Variants in RAPH1 observed in about 807,000 individuals in gnomAD.
RAPH1 encodes Ras association (RalGDS/AF-6) and pleckstrin homology domains 1.
A neutral mutation model predicts 88.1 loss-of-function variants in RAPH1; 18 were observed. That is an observed-to-expected ratio of 0.20 (90% confidence interval 0.14 to 0.30). RAPH1 has a LOEUF of 0.30. Ranked by LOEUF, RAPH1 falls within the 10% of genes least tolerant of loss-of-function variation. The pLI is 1.00. For synonymous variants in RAPH1, 587 were observed against 559.0 expected (o/e 1.05, Z -0.71); for missense variants, 1,448 against 1,543.2 (o/e 0.94, Z 1.03).
chr2:203,534,505 T>TCCCCCCCCCCCCCCCCCC (rs1486665508), intron 1 of RAPH1, among the ~76,000 whole-genome samples: 2 of 7,412 alleles, frequency 2.7e-4, no homozygotes, highest in Non-Finnish European at 3.7e-4. Context: ...CCTCCCTCCG[T>TCCCCCCCCCCCCCCCCCC]CCACCCCCCC....
At chr2:203,511,078 T>A (rs1273027579) in intron 1 of RAPH1, among the ~76,000 whole-genome samples, 1 of 152,160 alleles carries the variant, frequency 6.6e-6, no homozygotes, top group Non-Finnish European at 1.5e-5. Context: ...TGGTGGTTAC[T>A]GGTGCACTTG....
At chr2:203,495,889 C>G (rs1323969819) in intron 1 of RAPH1, among the ~76,000 whole-genome samples, 1 of 152,192 alleles carries the variant, frequency 6.6e-6, no homozygotes. Context: ...CCCTCCTACC[C>G]TCACTTTCTA....
At chr2:203,534,505 T>TCCCCCCCC (rs1486665508) in intron 1 of RAPH1, among the ~76,000 whole-genome samples, 28 of 7,408 alleles carry the variant, frequency 3.8e-3, no homozygotes, top group Non-Finnish European at 6.3e-3. Context: ...CCTCCCTCCG[T>TCCCCCCCC]CCACCCCCCC....
At chr2:203,533,480 T>G (rs952894440) in intron 1 of RAPH1, 1 of 152,056 alleles carries the variant, frequency 6.6e-6, no homozygotes, top group Admixed American at 6.6e-5. Flanking sequence ...CGTCTCTATT[T>G]TGCCCCTCCC....
chr2:203,483,328 G>A (rs945049386), intron 4 of RAPH1, among the ~76,000 whole-genome samples: 2 of 152,204 alleles, frequency 1.3e-5, no homozygotes, highest in African/African-American at 4.8e-5. Context: ...GGCAGTGAAG[G>A]CGGTGAGAAG....
intron 1 of RAPH1, among the ~76,000 whole-genome samples, chr2:203,505,167 G>A (rs775821100): frequency 6.6e-6 from 1 of 152,002 alleles, no homozygotes; most frequent in Non-Finnish European, 1.5e-5. Context: ...CACTCTACTG[G>A]TACCAATTTA....
rs1431832021 is a variant in RAPH1 at position 203,438,133 on chromosome 2, A to ACTAAT, written c.*1303_*1304insATTAG. On this transcript the variant is annotated 3_prime_UTR_variant, in exon 14 of 14. Transcript: ENST00000319170. Reference sequence around the variant, plus strand: ...ACTTGGACTGTCCCACTCCATCAGAACACCTAGTAACCTGAACTAATCACA... The same window carrying ACTAAT: ...ACTTGGACTGTCCCACTCCATCAGAACTAATCACCTAGTAACCTGAACTAATCACA... 1.9e-6 allele frequency: 1 copy of ACTAAT among 518,686 alleles called. No individual in the cohort carries two copies. Among genetic ancestry groups the ACTAAT allele is most frequent in the Non-Finnish European group, 3.8e-6 (1 of 259,846 alleles). The allele number at this position is 518,686 out of a possible 1,614,324, so 32.1% of individuals were successfully genotyped here. A position where few individuals can be genotyped will look rare whatever the true frequency, so the allele number is the denominator to read the frequency against.
At chr2:203,475,109 T>C (rs991242219) in intron 4 of RAPH1, among the ~76,000 whole-genome samples, 1 of 151,096 alleles carries the variant, frequency 6.6e-6, no homozygotes, top group Non-Finnish European at 1.5e-5. Flanking sequence ...AGACTGCATC[T>C]TAAAGAAATA....
intron 4 of RAPH1, among the ~76,000 whole-genome samples, chr2:203,477,357 C>G (rs969560229): frequency 7.9e-5 from 12 of 152,002 alleles, no homozygotes; most frequent in Non-Finnish European, 2.9e-5. Context: ...TGATCCTAAC[C>G]CTTGATAATT....
chr2:203,462,208 A>C (rs576703820), intron 4 of RAPH1, among the ~76,000 whole-genome samples: 42 of 152,340 alleles, frequency 2.8e-4, no homozygotes, highest in African/African-American at 9.9e-4. Context: ...TGATTCTGTC[A>C]ATGTGAAGCA....
At chr2:203,531,620 G>A (rs544137923) in intron 1 of RAPH1, among the ~76,000 whole-genome samples, 13 of 152,048 alleles carry the variant, frequency 8.5e-5, no homozygotes, top group Non-Finnish European at 1.3e-4. Context: ...ATAAGCATAC[G>A]AAAAGATGCT....
In RAPH1 at chr2:203,489,495, G is replaced by A. The variant is rs545180660; in HGVS notation, c.732+89C>T. On this transcript the variant is annotated intron_variant, in intron 4 of 13. Transcript: ENST00000319170. ...TCTTTGACAAATTATAAATGTAGAA[G>A]AATTTAAGAAGTTAATTAAAATTAT... The A allele has an allele frequency of 4.1e-6, 4 of 980,840 alleles. No homozygotes were observed. The East Asian group carries it at 8.5e-5, about 21-fold the overall frequency. 60.8% of individuals were successfully genotyped at this position (980,840 alleles called of 1,614,324 possible). A position where few individuals can be genotyped will look rare whatever the true frequency, so the allele number is the denominator to read the frequency against.
At chr2:203,519,740 C>T (rs1190279972) in intron 1 of RAPH1, among the ~76,000 whole-genome samples, 1 of 152,042 alleles carries the variant, frequency 6.6e-6, no homozygotes, top group African/African-American at 2.4e-5. Context: ...TAAATATGTT[C>T]CCCAACAAAA....
In RAPH1 at chr2:203,444,980, T is replaced by C; in HGVS notation, c.1664A>G (p.Asp555Gly). ...ESQSNHSNQS[D>G]SGVSDTQPAG... is the part of the protein sequence containing the mutation. ...TGGCTGGGTGTCAGAAACTCCGCTA[T>C]CAGACTGATTGGAGTGGTTTGACTG... Residue 555 changes from aspartate to glycine, a missense_variant, in exon 13 of 14, where the codon GAT (aspartate) becomes GGT (glycine). Around this residue, in one of 2 missense-constraint regions of RAPH1, gnomAD observed 935 missense variants for 890.1 expected, o/e 1.05. Transcript: ENST00000319170. The C allele has an allele frequency of 1.9e-6, 3 of 1,614,120 alleles. 1 individual carries two copies. The South Asian group carries it at 3.3e-5, about 18-fold the overall frequency.
chr2:203,458,154 G>A (rs758422879), intron 7 of RAPH1, among the ~76,000 whole-genome samples: 3 of 152,040 alleles, frequency 2.0e-5, no homozygotes, highest in East Asian at 1.9e-4. Context: ...GGTGGATCAC[G>A]AGGTCAGAAG....
intron 1 of RAPH1, among the ~76,000 whole-genome samples, chr2:203,520,024 G>T (rs768594277): frequency 1.3e-5 from 2 of 151,986 alleles, no homozygotes; most frequent in Non-Finnish European, 2.9e-5. Flanking sequence ...TAGTTTCCAC[G>T]GATTAAAAAA....
intron 1 of RAPH1, among the ~76,000 whole-genome samples, chr2:203,497,507 G>A (rs2105862888): frequency 6.6e-6 from 1 of 152,248 alleles, no homozygotes; most frequent in Admixed American, 6.5e-5. Context: ...GTCAAATAAT[G>A]TTACAAAATT....
chr2:203,490,395 A>G (rs557243841), intron 3 of RAPH1, among the ~76,000 whole-genome samples: 114 of 152,344 alleles, frequency 7.5e-4, no homozygotes, highest in Middle Eastern at 3.4e-3. Flanking sequence ...ACAGGCTTCA[A>G]TATATTGTTA....
intron 1 of RAPH1, among the ~76,000 whole-genome samples, chr2:203,512,355 C>CAAAAAAAAAAAAAAAAAACAAAAAAAA (rs371978714): frequency 9.7e-6 from 1 of 103,626 alleles, no homozygotes. Context: ...GACTCTGTCT[C>CAAAAAAAAAAAAAAAAAACAAAAAAAA]AAAAAAAAAA....
Sources: allele counts gnomAD v4.1 joint callset (sites outside exome capture counted in the v4.1 genomes callset), GRCh38; gene constraint gnomAD v4.1.1; regional missense constraint gnomAD v4.1.1; transcripts MANE v1.5; gene names NCBI Gene and HGNC (gene_info 2026-07-23, HGNC 2026-07-21).